RASAL2: variants seen among roughly 807,000 people sequenced by gnomAD.
RASAL2 encodes the protein RAS protein activator like 2.
RASAL2 carries 58 observed loss-of-function variants against 128.9 expected under a neutral mutation model. The observed-to-expected ratio is 0.45, with a 90% CI of 0.36 to 0.56. RASAL2 has a LOEUF of 0.56. RASAL2 is among the 20% of genes least tolerant of loss of function. The probability of loss-of-function intolerance (pLI) is 0.00; values close to 1 mark genes in which losing one functional copy is unlikely to be tolerated. For missense variants in RASAL2, 1,360 were observed against 1,601.6 expected (o/e 0.85, Z 2.57); for synonymous variants, 561 against 580.8 (o/e 0.97, Z 0.49).
intron 3 of RASAL2, among the ~76,000 whole-genome samples, chr1:178,307,158 A>T (rs1488727492): frequency 6.6e-6 from 1 of 152,128 alleles, no homozygotes. Context: ...GATTGCTTAT[A>T]CACATCAACG....
At position 178,452,552 on chromosome 1, in the gene RASAL2, C is replaced by T; in HGVS notation, c.1909C>T (p.Pro637Ser). ...LRFLCPAIMS[P>S]SLFNLMQEYP... is the part of the protein sequence containing the mutation. ...TTTTCTGTGTCCAGCCATTATGTCTCCCAGTCTTTTCAACCTTATGCAGGA... is the reference window on the plus strand; with the variant it reads ...TTTTCTGTGTCCAGCCATTATGTCTTCCAGTCTTTTCAACCTTATGCAGGA... Residue 637 changes from proline to serine, a missense_variant, in exon 11 of 18, where the codon CCC becomes TCC. By Grantham distance (74) the Pro-to-Ser change is moderately conservative. Around this residue, in one of 3 missense-constraint regions of RASAL2, gnomAD observed 741 missense variants for 868.6 expected, o/e 0.85. Coordinates refer to ENST00000367649, the MANE Select transcript of RASAL2 (RefSeq NM_170692.4). 2 of 1,614,066 alleles carry T rather than the reference C, an allele frequency of 1.2e-6. No homozygotes were observed.
chr1:178,362,390 A>G (rs530906023), intron 3 of RASAL2, among the ~76,000 whole-genome samples: 2 of 152,178 alleles, frequency 1.3e-5, no homozygotes, highest in African/African-American at 4.8e-5. Flanking sequence ...TAGTGAAATG[A>G]TTACTACAGT....
chr1:178,118,370 A>G (rs1376585634), intron 1 of RASAL2, among the ~76,000 whole-genome samples: 2 of 152,068 alleles, frequency 1.3e-5, no homozygotes, highest in Non-Finnish European at 2.9e-5. Flanking sequence ...TGAAATAATT[A>G]TACAACTCAC....
chr1:178,281,140 G>T (rs1461829693), intron 1 of RASAL2, among the ~76,000 whole-genome samples: 1 of 151,210 alleles, frequency 6.6e-6, no homozygotes, highest in Admixed American at 6.6e-5. Context: ...TTCCCCCCTT[G>T]GTATACATTC....
chr1:178,465,202 CAT>C (rs2087810701), intron 15 of RASAL2, among the ~76,000 whole-genome samples: 1 of 152,072 alleles, frequency 6.6e-6, no homozygotes, highest in South Asian at 2.1e-4. Context: ...GCAGGTGAGT[CAT>C]ATTACAAAAA....
At position 178,474,999 on chromosome 1, in the gene RASAL2, G is replaced by T. The variant is rs1417621714; in HGVS notation, c.*1760G>T. 1 of 152,090 alleles carries T rather than the reference G, an allele frequency of 6.6e-6. No homozygotes were observed. The highest frequency in any genetic ancestry group is 1.5e-5 in the Non-Finnish European group (1 of 68,018). The allele number at this position is 152,090 out of a possible 1,614,324, so 9.4% of individuals were successfully genotyped here. A position where few individuals can be genotyped will look rare whatever the true frequency, so the allele number is the denominator to read the frequency against. On this transcript the variant is annotated 3_prime_UTR_variant, in exon 18 of 18. Coordinates refer to ENST00000367649, the MANE Select transcript of RASAL2 (RefSeq NM_170692.4). The stretch of plus-strand genomic sequence containing the variant: ...ATATTTATAAGAGAACATGTATAGT[G>T]CCCTCTTTTGAGTGATGCCGACAGA...
chr1:178,256,600 A>G (rs891548817), intron 1 of RASAL2, among the ~76,000 whole-genome samples: 1 of 152,230 alleles, frequency 6.6e-6, no homozygotes, highest in African/African-American at 2.4e-5. Flanking sequence ...ATCCTAAGAA[A>G]TCCACTAAAA....
chr1:178,443,293 T>G (rs953266316), intron 8 of RASAL2, 64 bp downstream of exon 8: 1 of 1,394,182 alleles, frequency 7.2e-7, no homozygotes, highest in Non-Finnish European at 9.8e-7. Flanking sequence ...AACCAAGATA[T>G]GGATATTGTA....
chr1:178,211,709 G>C (rs1051127221), intron 1 of RASAL2, among the ~76,000 whole-genome samples: 5 of 152,058 alleles, frequency 3.3e-5, no homozygotes, highest in Non-Finnish European at 7.4e-5. Context: ...TAGGAAAATT[G>C]ACTTTTTTTT....
At chr1:178,471,172 T>A (rs868659032) in intron 17 of RASAL2, among the ~76,000 whole-genome samples, 1 of 152,176 alleles carries the variant, frequency 6.6e-6, no homozygotes, top group Admixed American at 6.5e-5. Flanking sequence ...AATTTCCTTA[T>A]GAGGCCTTAT....
At chr1:178,331,529 A>G (rs2102370151) in intron 3 of RASAL2, among the ~76,000 whole-genome samples, 1 of 151,872 alleles carries the variant, frequency 6.6e-6, no homozygotes, top group South Asian at 2.1e-4. Flanking sequence ...CAATCATAGG[A>G]CAAACTGTGA....
chr1:178,199,501 A>G (rs1662789879), intron 1 of RASAL2, among the ~76,000 whole-genome samples: 1 of 152,210 alleles, frequency 6.6e-6, no homozygotes, highest in Admixed American at 6.5e-5. Context: ...GTTCACAGGA[A>G]CATTGTTCAT....
intron 9 of RASAL2, among the ~76,000 whole-genome samples, chr1:178,450,886 G>A (rs1328648956): frequency 2.0e-5 from 3 of 152,228 alleles, no homozygotes; most frequent in African/African-American, 4.8e-5. Flanking sequence ...TGAAGTAGTC[G>A]AAGATATACA....
At chr1:178,411,192 ACC>A (rs1674359318) in intron 4 of RASAL2, among the ~76,000 whole-genome samples, 1 of 133,320 alleles carries the variant, frequency 7.5e-6, no homozygotes, top group South Asian at 2.7e-4. Context: ...ACACACACAC[ACC>A]CCATGGAATA....
At chr1:178,426,785 A>G (rs900345841) in intron 5 of RASAL2, among the ~76,000 whole-genome samples, 13 of 152,148 alleles carry the variant, frequency 8.5e-5, no homozygotes, top group Admixed American at 1.3e-4. Context: ...TACCCAGAGC[A>G]GATCTCGAAT....
At chr1:178,112,935 G>T (rs1386544188) in intron 1 of RASAL2, among the ~76,000 whole-genome samples, 3 of 151,732 alleles carry the variant, frequency 2.0e-5, no homozygotes, top group African/African-American at 2.4e-5. Context: ...AGAAAAAAAA[G>T]AAATCATGGT....
chr1:178,290,627 T>A (rs1438780096), intron 2 of RASAL2, among the ~76,000 whole-genome samples: 2 of 152,198 alleles, frequency 1.3e-5, no homozygotes, highest in Non-Finnish European at 2.9e-5. Flanking sequence ...ATAGTAAATT[T>A]TATGTTATAT....
At chr1:178,294,728 A>T (rs570086213) in intron 2 of RASAL2, among the ~76,000 whole-genome samples, 4 of 152,204 alleles carry the variant, frequency 2.6e-5, no homozygotes, top group Non-Finnish European at 4.4e-5. Context: ...TGTCTGCTGC[A>T]TACTATTTTC....
intron 1 of RASAL2, among the ~76,000 whole-genome samples, chr1:178,216,032 A>G (rs1342813031): frequency 6.6e-6 from 1 of 152,228 alleles, no homozygotes; most frequent in Non-Finnish European, 1.5e-5. Context: ...GAGAATTAAA[A>G]TGCTCTTGAG....
Sources: allele counts gnomAD v4.1 joint callset (sites outside exome capture counted in the v4.1 genomes callset), GRCh38; gene constraint gnomAD v4.1.1; regional missense constraint gnomAD v4.1.1; transcripts MANE v1.5; gene names NCBI Gene and HGNC (gene_info 2026-07-23, HGNC 2026-07-21).